The following RGS7 variants were observed in gnomAD, a reference collection of about 807,000 sequenced individuals.
The protein encoded by RGS7 is regulator of G protein signaling 7.
Under a neutral mutation model 81.1 loss-of-function variants are expected in RGS7, and 27 were observed. The observed-to-expected ratio is 0.33, with a 90% confidence interval of 0.25 to 0.46. The LOEUF (loss-of-function observed/expected upper bound fraction) is 0.46. Among genes scored for constraint, RGS7 ranks in the 20% least tolerant of loss-of-function variants. RGS7 has a pLI of 1.00. For missense variants in RGS7, 396 were observed against 607.4 expected, an observed-to-expected ratio of 0.65 and a Z score of 3.66; for synonymous variants, 208 against 207.7, an observed-to-expected ratio of 1.00 and a Z score of -0.01.
chr1:240,780,221 TG>T (rs1472560688), intron 18 of RGS7, among the ~76,000 whole-genome samples: 6 of 151,460 alleles, frequency 4.0e-5, no homozygotes, highest in Non-Finnish European at 1.5e-5. Flanking sequence ...CCGAGGCGGG[TG>T]GATCACTTGA....
intron 2 of RGS7, among the ~76,000 whole-genome samples, chr1:241,150,650 CTG>C (rs2068681323): frequency 6.6e-6 from 1 of 152,176 alleles, no homozygotes; most frequent in South Asian, 2.1e-4. Flanking sequence ...GGTTTGGAAA[CTG>C]TATTAGTCAG....
At chr1:240,910,414 A>G (rs1671556560) in intron 6 of RGS7, among the ~76,000 whole-genome samples, 1 of 152,224 alleles carries the variant, frequency 6.6e-6, no homozygotes, top group Non-Finnish European at 1.5e-5. Context: ...AAAAAGTAGA[A>G]CAGAGGAAAC....
intron 2 of RGS7, among the ~76,000 whole-genome samples, chr1:241,269,273 C>T (rs1326014417): frequency 6.6e-6 from 1 of 152,222 alleles, no homozygotes; most frequent in Non-Finnish European, 1.5e-5. Context: ...GTGGCATAAG[C>T]TCTAGTCCAA....
intron 2 of RGS7, among the ~76,000 whole-genome samples, chr1:241,280,249 G>A (rs2078428182): frequency 6.6e-6 from 1 of 152,144 alleles, no homozygotes; most frequent in Non-Finnish European, 1.5e-5. Context: ...CAGAGATCAT[G>A]GTGATGCACC....
At chr1:240,801,679 T>G (rs921665555) in intron 16 of RGS7, among the ~76,000 whole-genome samples, 171 bp from the exon 17 acceptor site, 1 of 152,158 alleles carries the variant, frequency 6.6e-6, no homozygotes, top group Admixed American at 6.6e-5. Flanking sequence ...AAGGGAGGCT[T>G]CTTCTCACAG....
chr1:240,932,540 A>G (rs1284282532), intron 5 of RGS7, among the ~76,000 whole-genome samples: 18 of 121,238 alleles, frequency 1.5e-4, no homozygotes, highest in South Asian at 7.9e-4. Flanking sequence ...ACAGGGTCTC[A>G]CTCTGTTGCC....
chr1:240,859,263 G>A (rs1020109253), intron 9 of RGS7, among the ~76,000 whole-genome samples: 1 of 152,052 alleles, frequency 6.6e-6, no homozygotes, highest in South Asian at 2.1e-4. Context: ...GCCTCCCAAA[G>A]TGCTGGGATT....
At chr1:241,012,897 G>A (rs1017298840) in intron 3 of RGS7, among the ~76,000 whole-genome samples, 9 of 152,130 alleles carry the variant, frequency 5.9e-5, no homozygotes, top group Admixed American at 1.3e-4. Flanking sequence ...GCTGCTACCC[G>A]TGAGGTTTCA....
rs202212341 is a variant in RGS7, at chr1:241,198,113, G to A, written c.79-99351C>T. Among the ~76,000 whole-genome samples the A allele has an allele frequency of 1.6e-4, 25 of 151,958 alleles. No individual in the cohort carries two copies. In the East Asian group the frequency reaches 4.1e-3, roughly 25 times the overall value. On this transcript the variant is annotated intron_variant, in intron 2 of 18. Transcript: ENST00000440928. Reference sequence around the variant, plus strand: ...CATAGACTATTTTTCAATAATTCATGAGCAAGAGAAGAAATTACAAGAGAA... The same window carrying A: ...CATAGACTATTTTTCAATAATTCATAAGCAAGAGAAGAAATTACAAGAGAA...
intron 17 of RGS7, 47 bp downstream of exon 17, chr1:240,801,408 T>C: frequency 7.6e-7 from 1 of 1,316,616 alleles, no homozygotes. Flanking sequence ...ATTGGAAAAA[T>C]TTCATTGGAC....
chr1:240,955,939 GA>G (rs1680336900), intron 4 of RGS7, among the ~76,000 whole-genome samples: 1 of 35,726 alleles, frequency 2.8e-5, no homozygotes, highest in Admixed American at 5.0e-4. Flanking sequence ...GAAAACATAG[GA>G]GGGAATCTGT....
chr1:241,191,186 T>C (rs1438650720), intron 2 of RGS7, among the ~76,000 whole-genome samples: 2 of 152,168 alleles, frequency 1.3e-5, no homozygotes, highest in African/African-American at 4.8e-5. Flanking sequence ...TTCACCATGT[T>C]GGCCAGGATG....
chr1:241,124,868 T>C (rs1199543458), intron 2 of RGS7, among the ~76,000 whole-genome samples: 3 of 152,228 alleles, frequency 2.0e-5, no homozygotes, highest in Non-Finnish European at 4.4e-5. Context: ...GCCAGCGAAC[T>C]TGTTACTCAT....
At chr1:241,345,162 CTTAT>C (rs1409585882) in intron 2 of RGS7, among the ~76,000 whole-genome samples, 1 of 152,146 alleles carries the variant, frequency 6.6e-6, no homozygotes, top group Admixed American at 6.5e-5. Flanking sequence ...CATGTTCTTA[CTTAT>C]AAGTAGGAGC....
intron 9 of RGS7, among the ~76,000 whole-genome samples, chr1:240,859,328 T>G (rs1661723832): frequency 6.6e-6 from 1 of 152,038 alleles, no homozygotes; most frequent in Admixed American, 6.6e-5. Flanking sequence ...AGGTTAATCT[T>G]TAATAATAGA....
At chr1:240,990,701 C>A (rs935785322) in intron 3 of RGS7, among the ~76,000 whole-genome samples, 1 of 152,170 alleles carries the variant, frequency 6.6e-6, no homozygotes, top group African/African-American at 2.4e-5. Context: ...GAAACTGGAT[C>A]AAACTTATGA....
chr1:240,788,047 C>T (rs1685362532), intron 18 of RGS7, among the ~76,000 whole-genome samples: 1 of 152,066 alleles, frequency 6.6e-6, no homozygotes, highest in African/African-American at 2.4e-5. Context: ...GAGCAAACAG[C>T]AGGATGAAAG....
intron 9 of RGS7, among the ~76,000 whole-genome samples, chr1:240,831,883 C>T (rs368023638): frequency 5.9e-5 from 9 of 152,210 alleles, no homozygotes; most frequent in East Asian, 1.9e-4. Context: ...GTGATCCACC[C>T]GCCTTGGCCT....
chr1:241,242,650 A>G (rs1030757097), intron 2 of RGS7, among the ~76,000 whole-genome samples: 1 of 151,820 alleles, frequency 6.6e-6, no homozygotes, highest in Admixed American at 6.6e-5. Flanking sequence ...TTATTTTTTG[A>G]TTTTCTGATT....
Sources: allele counts gnomAD v4.1 joint callset (sites outside exome capture counted in the v4.1 genomes callset), GRCh38; gene constraint gnomAD v4.1.1; transcripts MANE v1.5; gene names NCBI Gene and HGNC (gene_info 2026-07-23, HGNC 2026-07-21).